ZFAT: variants seen among roughly 807,000 people sequenced by gnomAD.
The protein encoded by ZFAT is zinc finger protein ZFAT.
Under a neutral mutation model 117.7 loss-of-function variants are expected in ZFAT, and 64 were observed. That is an observed-to-expected ratio of 0.54 (90% CI 0.44 to 0.67). ZFAT has a LOEUF of 0.67. Among genes scored for constraint, ZFAT ranks in the 30% least tolerant of loss-of-function variants. ZFAT has a pLI of 0.00. For missense variants in ZFAT, 1,433 were observed against 1,584.5 expected, an observed-to-expected ratio of 0.90 and a Z score of 1.62; for synonymous variants, 679 against 615.0, an observed-to-expected ratio of 1.10 and a Z score of -1.54.
intron 5 of ZFAT, among the ~76,000 whole-genome samples, chr8:134,607,718 C>G (rs1021229167): frequency 3.3e-5 from 5 of 152,242 alleles, no homozygotes; most frequent in African/African-American, 1.2e-4. Flanking sequence ...AGAGGAAAAC[C>G]ACTGGCAACT....
At chr8:134,769,589 T>C in the ZFAT span, among the ~76,000 whole-genome samples, 4 of 152,040 alleles carry the variant, frequency 2.6e-5, no homozygotes, top group African/African-American at 9.7e-5. Context: ...TGCAAGCTGT[T>C]GGTGGATCTA....
intron 7 of ZFAT, among the ~76,000 whole-genome samples, chr8:134,596,727 G>A (rs549056511): frequency 1.3e-5 from 2 of 152,170 alleles, no homozygotes; most frequent in Non-Finnish European, 2.9e-5. Flanking sequence ...GGAAACCATG[G>A]ATGAATTAAG....
chr8:134,513,391 T>A (rs1462058103), intron 13 of ZFAT, among the ~76,000 whole-genome samples: 1 of 152,128 alleles, frequency 6.6e-6, no homozygotes, highest in Non-Finnish European at 1.5e-5. Flanking sequence ...ATTTTTAGTT[T>A]CACCATGTTG....
chr8:134,602,432 C>A lies in ZFAT; in HGVS notation c.1287G>T (p.Lys429Asn). The change falls in exon 6 of 16, where the codon AAG becomes AAT. Residue 429 changes from lysine (K) to asparagine (N), a missense_variant. By Grantham distance (94) the Lys-to-Asn change is moderately conservative (BLOSUM62 0). Around this residue, in one of 5 missense-constraint regions of ZFAT, gnomAD observed 73 missense variants for 122.0 expected, o/e 0.60. Transcript: ENST00000377838. The stretch of plus-strand genomic sequence containing the variant: ...CACAGAGCTCACAGGCAAAAGGCCA[C>A]TTGTCTCCGTGGACCAGCATATGGC... Reference protein sequence around the residue: ...RDRHMLVHGDKWPFACELCGH... With the variant: ...RDRHMLVHGDNWPFACELCGH... 6.2e-7 allele frequency: 1 copy of A among 1,613,944 alleles called. No individual in the cohort carries two copies. The highest frequency in any genetic ancestry group is 2.2e-5 in the East Asian group (1 of 44,880).
chr8:134,483,818 G>A (rs746124715), intron 15 of ZFAT, among the ~76,000 whole-genome samples: 17 of 152,190 alleles, frequency 1.1e-4, no homozygotes, highest in African/African-American at 3.4e-4. Flanking sequence ...GGCTCTCTTC[G>A]TGCTAAAAGG....
intron 3 of ZFAT, among the ~76,000 whole-genome samples, chr8:134,612,527 G>C (rs115271674): frequency 6.6e-6 from 1 of 152,164 alleles, no homozygotes; most frequent in East Asian, 1.9e-4. Flanking sequence ...AAAAAAACTC[G>C]GCTAATGGCA....
At chr8:134,719,681 G>A in the ZFAT span, among the ~76,000 whole-genome samples, 1 of 152,174 alleles carries the variant, frequency 6.6e-6, no homozygotes, top group Non-Finnish European at 1.5e-5. Context: ...TGCAGTAACA[G>A]AGGCAGAAAA....
At chr8:134,651,707 T>C (rs945459478) in intron 2 of ZFAT, among the ~76,000 whole-genome samples, 3 of 152,098 alleles carry the variant, frequency 2.0e-5, no homozygotes, top group Non-Finnish European at 2.9e-5. Context: ...AGAAAGATAA[T>C]GAAGCAGAGG....
intron 12 of ZFAT, among the ~76,000 whole-genome samples, chr8:134,522,905 G>A (rs758812947): frequency 6.6e-6 from 1 of 152,088 alleles, no homozygotes; most frequent in Admixed American, 6.6e-5. Flanking sequence ...TTCACAATGA[G>A]AATATCAGGT....
the ZFAT span, among the ~76,000 whole-genome samples, chr8:134,745,533 T>C: frequency 6.6e-6 from 1 of 152,164 alleles, no homozygotes; most frequent in Non-Finnish European, 1.5e-5. Flanking sequence ...AAAGAGGAGT[T>C]AGTGAGGACA....
At chr8:134,569,466 C>T (rs1488095386) in intron 10 of ZFAT, among the ~76,000 whole-genome samples, 4 of 152,142 alleles carry the variant, frequency 2.6e-5, no homozygotes, top group Non-Finnish European at 5.9e-5. Flanking sequence ...GCCACTAACA[C>T]ATAAGGTGAC....
upstream of ZFAT, among the ~76,000 whole-genome samples, chr8:134,717,339 G>T (rs561705952): frequency 6.7e-6 from 1 of 150,290 alleles, no homozygotes; most frequent in Non-Finnish European, 1.5e-5. Context: ...CAGGCCCAAG[G>T]CTGCCACTCA....
chr8:134,679,930 G>T (rs1425718717), intron 1 of ZFAT, among the ~76,000 whole-genome samples: 1 of 147,348 alleles, frequency 6.8e-6, no homozygotes, highest in Admixed American at 6.9e-5. Flanking sequence ...ACACACTGGG[G>T]CCTGTGGGGG....
intron 3 of ZFAT, among the ~76,000 whole-genome samples, chr8:134,630,411 T>C (rs998478744): frequency 1.4e-4 from 21 of 152,378 alleles, no homozygotes; most frequent in African/African-American, 4.8e-4. Context: ...ATGGCAGGTA[T>C]TTATCAAGCC....
intron 1 of ZFAT, among the ~76,000 whole-genome samples, chr8:134,699,919 C>A (rs1250184932): frequency 6.6e-6 from 1 of 152,202 alleles, no homozygotes; most frequent in Admixed American, 6.5e-5. Flanking sequence ...CTGGCACGCA[C>A]CCGTGGGGAG....
Position 134,657,670 on chromosome 8 carries a change from G to A in ZFAT, c.87C>T (p.Ser29=). The change falls in exon 2 of 16, where the codon TCC becomes TCT. Residue 29 remains serine, a synonymous_variant. Transcript: ENST00000377838. Reference sequence around the variant, plus strand: ...CTTCCATGTGCTTCTCTGAAACGTGGGAGAGGAGTTCCGACTGATTTGGTG... The same window carrying A: ...CTTCCATGTGCTTCTCTGAAACGTGAGAGAGGAGTTCCGACTGATTTGGTG... ...LFSPNQSELL[S]HVSEKHMEEG... is the part of the protein sequence containing the mutation. 2 of 1,614,122 alleles carry A rather than the reference G, an allele frequency of 1.2e-6. No homozygotes were observed. The highest frequency in any genetic ancestry group is 1.6e-4 in the Middle Eastern group (1 of 6,062).
chr8:134,604,182 C>T (rs1000728690), intron 5 of ZFAT, among the ~76,000 whole-genome samples: 3 of 152,156 alleles, frequency 2.0e-5, no homozygotes, highest in South Asian at 4.1e-4. Flanking sequence ...AAGCTCTATG[C>T]TAAGTATTTA....
chr8:134,645,836 G>C (rs528162673), intron 2 of ZFAT, among the ~76,000 whole-genome samples: 1 of 152,254 alleles, frequency 6.6e-6, no homozygotes, highest in South Asian at 2.1e-4. Context: ...AGAATACAAA[G>C]TATTCTCAAG....
chr8:134,629,090 G>A (rs1373297522), intron 3 of ZFAT, among the ~76,000 whole-genome samples: 2 of 152,198 alleles, frequency 1.3e-5, no homozygotes, highest in African/African-American at 2.4e-5. Flanking sequence ...AGGGATAGGG[G>A]AAGGATTGAA....
Sources: gnomAD v4.1 joint callset for allele counts (sites outside exome capture counted in the v4.1 genomes callset) on GRCh38, gnomAD v4.1.1 for gene constraint, gnomAD v4.1.1 regional missense constraint, MANE v1.5 for transcripts, NCBI Gene and HGNC (gene_info 2026-07-23, HGNC 2026-07-21) for gene names.